AGBL3: variants seen among roughly 807,000 people sequenced by gnomAD.
AGBL3 encodes AGBL carboxypeptidase 3.
A neutral mutation model predicts 94.5 loss-of-function variants in AGBL3; 68 were observed. That is an observed-to-expected ratio of 0.72 (90% CI 0.59 to 0.88). The LOEUF is 0.88. Ranked by LOEUF, AGBL3 falls within the 40% of genes least tolerant of loss-of-function variation. AGBL3 has a pLI of 0.00. For missense variants in AGBL3, 934 were observed against 1,103.8 expected (o/e 0.85, Z 2.18); for synonymous variants, 354 against 370.7 (o/e 0.95, Z 0.52).
rs188963178 is a variant in AGBL3, at chr7:134,986,526, T to G, written c.-235T>G. 6.6e-6 allele frequency: 1 copy of G among 152,134 alleles called. No homozygotes were observed. The highest frequency in any genetic ancestry group is 6.5e-5 in the Admixed American group (1 of 15,272). 9.4% of individuals were successfully genotyped at this position (152,134 alleles called of 1,614,324 possible). A position where few individuals can be genotyped will look rare whatever the true frequency, so the allele number is the denominator to read the frequency against. ...CGGACCCGTTGCCTGATGACGAGAG[T>G]TGGGAGTGTGGCTGGGGCTGCGGAT... On this transcript the variant is annotated 5_prime_UTR_variant, in exon 1 of 17. Coordinates refer to ENST00000436302, the MANE Select transcript of AGBL3 (RefSeq NM_178563.4).
At chr7:135,007,007 T>C (rs1441052253) in intron 4 of AGBL3, among the ~76,000 whole-genome samples, 1 of 151,902 alleles carries the variant, frequency 6.6e-6, no homozygotes, top group East Asian at 1.9e-4. Context: ...TAAATAGACA[T>C]ATAACAAGTA....
At chr7:135,115,781 A>T (rs1183978879) in intron 16 of AGBL3, 170 bp downstream of exon 16, 2 of 563,388 alleles carry the variant, frequency 3.5e-6, no homozygotes, top group Non-Finnish European at 6.2e-6. Context: ...AACACTGGAT[A>T]AATGAAGGAG....
intron 15 of AGBL3, chr7:135,092,302 C>T (rs1038553893): frequency 1.3e-5 from 2 of 152,156 alleles, no homozygotes; most frequent in African/African-American, 4.8e-5. Context: ...AAGTATAAAT[C>T]TGAACATTCA....
chr7:135,050,745 G>A (rs958265870), intron 11 of AGBL3, among the ~76,000 whole-genome samples: 4 of 151,756 alleles, frequency 2.6e-5, no homozygotes, highest in African/African-American at 4.8e-5. Context: ...CTCTCTTTTA[G>A]TTACCATTTT....
intron 11 of AGBL3, among the ~76,000 whole-genome samples, chr7:135,056,997 C>T (rs1277331201): frequency 2.6e-5 from 4 of 152,034 alleles, no homozygotes; most frequent in African/African-American, 7.2e-5. Flanking sequence ...TATAAAGCTA[C>T]ATAATTAAAA....
At chr7:135,084,419 A>G (rs1821170630) in intron 15 of AGBL3, among the ~76,000 whole-genome samples, 1 of 152,144 alleles carries the variant, frequency 6.6e-6, no homozygotes, top group Admixed American at 6.6e-5. Flanking sequence ...CTATAGTTCT[A>G]TGGAACACTA....
chr7:134,994,791 CAAG>C (rs1227146484), intron 4 of AGBL3, among the ~76,000 whole-genome samples: 1 of 152,118 alleles, frequency 6.6e-6, no homozygotes, highest in African/African-American at 2.4e-5. Flanking sequence ...TAATTTTTCT[CAAG>C]AATTCCAAAG....
intron 11 of AGBL3, among the ~76,000 whole-genome samples, chr7:135,047,929 T>C (rs1323646112): frequency 3.3e-5 from 5 of 152,108 alleles, no homozygotes; most frequent in East Asian, 1.9e-4. Flanking sequence ...GTCGTATCTA[T>C]GAAATCTTTG....
At chr7:135,097,805 G>GT (rs1823140470) in intron 15 of AGBL3, among the ~76,000 whole-genome samples, 1 of 152,016 alleles carries the variant, frequency 6.6e-6, no homozygotes, top group African/African-American at 2.4e-5. Context: ...GACGTGTATG[G>GT]TAAAAAATGA....
intron 5 of AGBL3, among the ~76,000 whole-genome samples, chr7:135,030,585 G>T (rs1018845583): frequency 6.6e-6 from 1 of 152,076 alleles, no homozygotes; most frequent in African/African-American, 2.4e-5. Flanking sequence ...GGAGTTTGCT[G>T]AACTTTTTGG....
chr7:135,001,063 G>T (rs4573214), intron 4 of AGBL3, among the ~76,000 whole-genome samples: 73,789 of 152,082 alleles, frequency 0.49, 18,286 homozygotes, highest in South Asian at 0.66. Context: ...TACAATATTA[G>T]GTAGGGAAGT....
chr7:135,034,047 A>G, intron 6 of AGBL3, 102 bp from the exon 7 acceptor site: 1 of 1,085,464 alleles, frequency 9.2e-7, no homozygotes, highest in Non-Finnish European at 1.3e-6. Flanking sequence ...AGTAAAAATA[A>G]AATAATTTTC....
chr7:135,045,482 C>G lies in AGBL3; in HGVS notation c.1636C>G (p.Arg546Gly), dbSNP rs545093113. ...ACTTATTGATGTTTTAGGTAACAAA[C>G]GAGGCACTCATTTCAGCACGAAAGA... Reference protein sequence around the residue: ...TFCGSTLGNKRGTHFSTKDLE... With the variant: ...TFCGSTLGNKGGTHFSTKDLE... The change falls in exon 10 of 17, where the codon CGA becomes GGA. Residue 546 changes from arginine to glycine, a missense_variant. Arg to Gly is a moderately radical substitution (Grantham distance 125). Coordinates refer to ENST00000436302, the MANE Select transcript of AGBL3 (RefSeq NM_178563.4). 8 of 1,550,744 alleles carry G rather than the reference C, an allele frequency of 5.2e-6. No individual in the cohort carries two copies. The highest frequency in any genetic ancestry group is 7.0e-6 in the Non-Finnish European group (8 of 1,146,248).
At chr7:135,112,344 A>G (rs1825763709) in intron 15 of AGBL3, among the ~76,000 whole-genome samples, 1 of 152,218 alleles carries the variant, frequency 6.6e-6, no homozygotes, top group Non-Finnish European at 1.5e-5. Flanking sequence ...TTCAAAACAC[A>G]TTTATTTAGC....
chr7:135,065,860 G>A (rs531968135), intron 12 of AGBL3, among the ~76,000 whole-genome samples: 10 of 152,206 alleles, frequency 6.6e-5, no homozygotes, highest in Admixed American at 1.3e-4. Flanking sequence ...CACTGCACTC[G>A]AGCCTGAGCA....
Position 135,082,477 on chromosome 7 carries a change from T to C in AGBL3, c.2110+687T>C, listed in dbSNP as rs370815132. On this transcript the variant is annotated intron_variant, in intron 15 of 16. Coordinates refer to ENST00000436302, the MANE Select transcript of AGBL3 (RefSeq NM_178563.4). ...CAAGCTTAAATGAAACTGAACACAG[T>C]ATTGCAGATGTTGTCTAATGAGTGC... Among the ~76,000 whole-genome samples the C allele has an allele frequency of 1.6e-4, 24 of 151,868 alleles. No individual in the cohort carries two copies. In the East Asian group the frequency reaches 1.9e-3, roughly 12 times the overall value.
At chr7:135,108,434 A>T (rs1245116488) in intron 15 of AGBL3, among the ~76,000 whole-genome samples, 1 of 152,156 alleles carries the variant, frequency 6.6e-6, no homozygotes, top group Non-Finnish European at 1.5e-5. Context: ...TGGCTTATCT[A>T]AAATGGATCT....
chr7:135,110,290 C>T (rs757532477), intron 15 of AGBL3, among the ~76,000 whole-genome samples: 15 of 152,168 alleles, frequency 9.9e-5, no homozygotes, highest in Non-Finnish European at 1.8e-4. Context: ...GGTCACTGCT[C>T]AGCCCCCTGG....
intron 11 of AGBL3, among the ~76,000 whole-genome samples, chr7:135,051,860 T>C (rs928164372): frequency 4.6e-5 from 7 of 152,146 alleles, no homozygotes; most frequent in Admixed American, 4.6e-4. Flanking sequence ...GTTTAACATT[T>C]CTTTGTAATT....
Sources: allele counts gnomAD v4.1 joint callset (sites outside exome capture counted in the v4.1 genomes callset), GRCh38; gene constraint gnomAD v4.1.1; transcripts MANE v1.5; gene names NCBI Gene and HGNC (gene_info 2026-07-23, HGNC 2026-07-21).